Variants in DUSP22 observed in about 807,000 individuals in gnomAD.
DUSP22 encodes the protein dual specificity phosphatase 22.
Under a neutral mutation model 24.5 loss-of-function variants are expected in DUSP22, and 24 were observed. That is an observed-to-expected ratio of 0.98 (90% CI 0.71 to 1.38). The LOEUF (loss-of-function observed/expected upper bound fraction) is 1.38, where lower values mean the gene tolerates loss of function less well. Among genes scored for constraint, DUSP22 ranks in the 40% most tolerant of loss-of-function variants. DUSP22 has a pLI of 0.00. For missense variants in DUSP22, 330 were observed against 269.2 expected (o/e 1.23, Z -1.58); for synonymous variants, 160 against 106.4 (o/e 1.50, Z -3.10).
chr6:304,746 G>A (rs1412502741), intron 2 of DUSP22, 85 bp downstream of exon 2: 14 of 1,568,666 alleles, frequency 8.9e-6, no homozygotes, highest in East Asian at 6.7e-5. Context: ...GTATAGGTCA[G>A]TGGCTTTAAG....
rs535918455 is a variant in DUSP22 at position 297,196 on chromosome 6, A to T, written c.21+4636A>T. On this transcript the variant is annotated intron_variant, in intron 1 of 6. Coordinates refer to ENST00000419235, the MANE Select transcript of DUSP22 (RefSeq NM_001286555.3). ...CTTCCTGGATTCATAGATGTATAGA[A>T]CTAAGAAACCTTAGGTGGTTAGCTA... Among the ~76,000 whole-genome samples the T allele has an allele frequency of 7.2e-5, 11 of 152,408 alleles. No individual in the cohort carries two copies. The South Asian group carries it at 1.9e-3, about 26-fold the overall frequency.
At chr6:295,183 A>T (rs1757267060) in intron 1 of DUSP22, among the ~76,000 whole-genome samples, 2 of 152,302 alleles carry the variant, frequency 1.3e-5, no homozygotes, top group South Asian at 4.1e-4. Flanking sequence ...TTTGGAACTA[A>T]CATAACTTGG....
chr6:297,439 G>A (rs569084535), intron 1 of DUSP22, among the ~76,000 whole-genome samples: 1 of 152,426 alleles, frequency 6.6e-6, no homozygotes, highest in Non-Finnish European at 1.5e-5. Flanking sequence ...GTTGGGAAAG[G>A]ATTATAATTC....
At chr6:294,599 G>C (rs1403369672) in intron 1 of DUSP22, among the ~76,000 whole-genome samples, 1 of 152,270 alleles carries the variant, frequency 6.6e-6, no homozygotes, top group Non-Finnish European at 1.5e-5. Context: ...AAGATTCCAT[G>C]TTTTTTACTA....
At chr6:327,021 G>A (rs1458111106) in intron 3 of DUSP22, among the ~76,000 whole-genome samples, 2 of 152,306 alleles carry the variant, frequency 1.3e-5, no homozygotes, top group African/African-American at 2.4e-5. Flanking sequence ...TTCTGCTGCA[G>A]CTACTGTAGC....
At chr6:294,046 A>C (rs975464185) in intron 1 of DUSP22, among the ~76,000 whole-genome samples, 5 of 152,068 alleles carry the variant, frequency 3.3e-5, no homozygotes, top group Non-Finnish European at 7.4e-5. Flanking sequence ...TGAGCTGTTC[A>C]CTCTCCACCG....
At chr6:332,644 C>CTTTTTTTTTTTTTTTTTTTT (rs3053546) in intron 3 of DUSP22, among the ~76,000 whole-genome samples, 3 of 148,066 alleles carry the variant, frequency 2.0e-5, no homozygotes, top group Non-Finnish European at 1.5e-5. Context: ...TCCTGTCCTT[C>CTTTTTTTTTTTTTTTTTTTT]TTTTTTTTTT....
intron 4 of DUSP22, among the ~76,000 whole-genome samples, chr6:344,454 T>A (rs1213997718): frequency 6.6e-6 from 1 of 152,264 alleles, no homozygotes; most frequent in East Asian, 1.9e-4. Flanking sequence ...CCCAGCTAAT[T>A]TTTTTTTGGT....
chr6:309,896 A>G (rs985559329), intron 2 of DUSP22, among the ~76,000 whole-genome samples: 6 of 152,300 alleles, frequency 3.9e-5, no homozygotes, highest in African/African-American at 2.4e-5. Context: ...TTCCCATGCC[A>G]TGAAATAGTC....
intron 3 of DUSP22, among the ~76,000 whole-genome samples, chr6:324,952 G>A (rs892052689): frequency 2.0e-5 from 3 of 152,310 alleles, no homozygotes; most frequent in Non-Finnish European, 4.4e-5. Flanking sequence ...TAAGGAGGGA[G>A]CTGTGTTTAA....
intron 2 of DUSP22, among the ~76,000 whole-genome samples, chr6:307,575 GA>G (rs1217772549): frequency 6.6e-6 from 1 of 152,304 alleles, no homozygotes; most frequent in Non-Finnish European, 1.5e-5. Context: ...GCCTTGCCCA[GA>G]AGCCAGGAGG....
intron 1 of DUSP22, among the ~76,000 whole-genome samples, chr6:296,430 T>G (rs1189539604): frequency 6.6e-6 from 1 of 152,304 alleles, no homozygotes; most frequent in African/African-American, 2.4e-5. Flanking sequence ...AGCCACAGTC[T>G]GGCTCGGCCA....
intron 3 of DUSP22, among the ~76,000 whole-genome samples, chr6:313,802 T>G (rs1758216691): frequency 6.6e-6 from 1 of 152,310 alleles, no homozygotes; most frequent in Non-Finnish European, 1.5e-5. Context: ...TCATGATATA[T>G]TCTTATTTTA....
At chr6:311,230 G>T (rs1278731227) in intron 2 of DUSP22, among the ~76,000 whole-genome samples, 1 of 152,306 alleles carries the variant, frequency 6.6e-6, no homozygotes, top group Non-Finnish European at 1.5e-5. Flanking sequence ...CATAGCAGAT[G>T]GCTTCAAGGT....
intron 1 of DUSP22, among the ~76,000 whole-genome samples, chr6:293,797 CTTTTTT>C (rs11436850): frequency 2.7e-4 from 33 of 123,684 alleles, no homozygotes; most frequent in African/African-American, 8.2e-4. Flanking sequence ...ATTGTATTCA[CTTTTTT>C]TTTTTTTTTT....
intron 4 of DUSP22, 55 bp from the exon 5 acceptor site, chr6:345,799 C>A: frequency 6.3e-7 from 1 of 1,585,350 alleles, no homozygotes; most frequent in South Asian, 1.1e-5. Flanking sequence ...ATTTTCTTTT[C>A]ATCATATATT....
chr6:298,861 C>T (rs1165067359), intron 1 of DUSP22, among the ~76,000 whole-genome samples: 1 of 152,298 alleles, frequency 6.6e-6, no homozygotes, highest in African/African-American at 2.4e-5. Context: ...ACAGATGCAC[C>T]CTCTGCTGCA....
At chr6:338,427 A>C (rs985961499) in intron 4 of DUSP22, among the ~76,000 whole-genome samples, 17 of 152,410 alleles carry the variant, frequency 1.1e-4, no homozygotes, top group South Asian at 4.1e-4. Flanking sequence ...GTTGGCAGGC[A>C]GAACACCTAC....
chr6:298,682 A>C (rs1284493502), intron 1 of DUSP22, among the ~76,000 whole-genome samples: 1 of 152,302 alleles, frequency 6.6e-6, no homozygotes, highest in Admixed American at 6.5e-5. Context: ...GATTCTGCCT[A>C]TATTGTCTAT....
Sources: gnomAD v4.1 joint callset for allele counts (sites outside exome capture counted in the v4.1 genomes callset) on GRCh38, gnomAD v4.1.1 for gene constraint, MANE v1.5 for transcripts, NCBI Gene and HGNC (gene_info 2026-07-23, HGNC 2026-07-21) for gene names.